VPS45: variants seen among roughly 807,000 people sequenced by gnomAD.
VPS45 encodes vacuolar protein sorting-associated protein 45.
A neutral mutation model predicts 75.9 loss-of-function variants in VPS45; 35 were observed. That is an observed-to-expected ratio of 0.46 (90% confidence interval 0.35 to 0.61). The LOEUF (loss-of-function observed/expected upper bound fraction) is 0.61. Ranked by LOEUF, VPS45 falls within the 20% of genes least tolerant of loss-of-function variation. The pLI is 0.00. For synonymous variants in VPS45, 220 were observed against 238.2 expected (o/e 0.92, Z 0.70); for missense variants, 559 against 685.9 (o/e 0.81, Z 2.07).
intron 14 of VPS45, among the ~76,000 whole-genome samples, chr1:150,131,790 G>A (rs1553812444): frequency 6.6e-6 from 1 of 152,078 alleles, no homozygotes; most frequent in East Asian, 1.9e-4. Context: ...AGGTTACAGT[G>A]AGCTATGATC....
chr1:150,129,862 T>TG (rs1366340839), intron 14 of VPS45, among the ~76,000 whole-genome samples: 33 of 140,276 alleles, frequency 2.4e-4, no homozygotes, highest in Non-Finnish European at 1.6e-5. Context: ...CAATTTTTTT[T>TG]TTTTTTTAAG....
intron 10 of VPS45, among the ~76,000 whole-genome samples, chr1:150,086,981 G>A (rs1824847): frequency 0.3 from 39,632 of 131,912 alleles, 7,900 homozygotes; most frequent in African/African-American, 0.58. Flanking sequence ...CAAAAAAAAA[G>A]ACGGAGACTA....
chr1:150,068,601 T>C, intron 1 of VPS45, 29 bp from the exon 2 acceptor site: 1 of 1,489,082 alleles, frequency 6.7e-7, no homozygotes, highest in South Asian at 1.4e-5. Context: ...TAGACTAGCA[T>C]ACTTTTAGTT....
intron 2 of VPS45, among the ~76,000 whole-genome samples, chr1:150,071,429 T>C (rs1347187863): frequency 6.6e-6 from 1 of 152,182 alleles, no homozygotes; most frequent in East Asian, 1.9e-4. Flanking sequence ...GTGAATATAA[T>C]TAACTTTATT....
In VPS45 at chr1:150,081,536, T is replaced by C. The variant is rs1251273414; in HGVS notation, c.822+60T>C. On this transcript the variant is annotated intron_variant, in intron 8 of 14. Transcript: ENST00000644510. The stretch of plus-strand genomic sequence containing the variant: ...TTGTTTTTATGTAAGAAGATCAATA[T>C]TGGCTTGTTAGTATAGGGGCAGGCA... 29 of 1,558,334 alleles carry C rather than the reference T, an allele frequency of 1.9e-5. No homozygotes were observed. The Middle Eastern group carries it at 5.1e-4, about 27-fold the overall frequency.
In VPS45 at chr1:150,072,779, A is replaced by T. The variant is rs150654917; in HGVS notation, c.289+553A>T. On this transcript the variant is annotated intron_variant, in intron 3 of 14. Transcript: ENST00000644510. ...TACTTTGCCTTTCAAGATGCTTTGT[A>T]AGTCAAAAGTTTTAAGTAGACAAAT... Among the ~76,000 whole-genome samples, 569 of 152,200 alleles carry T rather than the reference A, an allele frequency of 3.7e-3. 1 individual carries two copies. The highest frequency in any genetic ancestry group is 0.013 in the African/African-American group (540 of 41,494).
At position 150,081,357 on chromosome 1, in the gene VPS45, A is replaced by G. The variant is rs1655696382; in HGVS notation, c.703A>G (p.Met235Val). 7 of 1,604,212 alleles carry G rather than the reference A, an allele frequency of 4.4e-6. No individual in the cohort carries two copies. The highest frequency in any genetic ancestry group is 1.1e-5 in the South Asian group (1 of 89,188). The change falls in exon 8 of 15, where the codon ATG (methionine) becomes GTG (valine). Residue 235 changes from methionine (M) to valine (V), a missense_variant. Physicochemically the swap from Met to Val is conservative, Grantham distance 21. Coordinates refer to ENST00000644510, the MANE Select transcript of VPS45 (RefSeq NM_007259.5). ...CTTTATTTAGTGGACATATCAGGCC[A>G]TGGTCCACGAACTACTAGGCATAAA... ...PLLNQWTYQAMVHELLGINNN... is the reference protein window; with the variant it reads ...PLLNQWTYQAVVHELLGINNN...
chr1:150,113,161 C>T (rs1481295054), intron 14 of VPS45, among the ~76,000 whole-genome samples: 1 of 152,110 alleles, frequency 6.6e-6, no homozygotes, highest in East Asian at 1.9e-4. Context: ...CTTATTAAGG[C>T]TTGGCCTTTC....
chr1:150,083,797 G>A (rs1175653378), intron 10 of VPS45, among the ~76,000 whole-genome samples: 41 of 151,806 alleles, frequency 2.7e-4, no homozygotes, highest in Non-Finnish European at 7.4e-5. Context: ...TGGAAAGACT[G>A]ACTGAAGCCA....
intron 14 of VPS45, among the ~76,000 whole-genome samples, chr1:150,141,047 C>T (rs931402757): frequency 6.6e-6 from 1 of 152,092 alleles, no homozygotes; most frequent in Non-Finnish European, 1.5e-5. Flanking sequence ...AACTGCAAGC[C>T]GTGGAAGTTG....
At chr1:150,110,891 C>G (rs1657615418) in intron 14 of VPS45, among the ~76,000 whole-genome samples, 1 of 151,996 alleles carries the variant, frequency 6.6e-6, no homozygotes, top group Non-Finnish European at 1.5e-5. Context: ...TTTGTATTTC[C>G]TGTGTTCAAA....
At chr1:150,120,487 G>T (rs1365894052) in intron 14 of VPS45, among the ~76,000 whole-genome samples, 1 of 152,192 alleles carries the variant, frequency 6.6e-6, no homozygotes, top group East Asian at 1.9e-4. Context: ...AAGTAAGCTC[G>T]TCATCTTAAG....
chr1:150,082,961 C>A (rs587708654), intron 10 of VPS45, 78 bp downstream of exon 10: 16 of 1,382,082 alleles, frequency 1.2e-5, no homozygotes, highest in African/African-American at 5.9e-5. Context: ...GGCAAGTAAT[C>A]CTTCTTCATC....
chr1:150,067,648 C>A (rs768273448), upstream of VPS45: 334 of 543,548 alleles, frequency 6.1e-4, 1 homozygote, highest in Non-Finnish European at 1.0e-3. Context: ...CGGCCCAGGC[C>A]GTCTCAGCCG....
At chr1:150,133,899 C>A (rs1276464992) in intron 14 of VPS45, among the ~76,000 whole-genome samples, 1 of 152,166 alleles carries the variant, frequency 6.6e-6, no homozygotes, top group Admixed American at 6.5e-5. Flanking sequence ...AGTGCTAGAT[C>A]CATGCAGAAT....
chr1:150,098,839 T>TC (rs1238888676), intron 13 of VPS45: 3 of 1,269,146 alleles, frequency 2.4e-6, no homozygotes, highest in Non-Finnish European at 3.1e-6. Context: ...AATTTTTTTT[T>TC]CTCACTCTAG....
intron 14 of VPS45, among the ~76,000 whole-genome samples, chr1:150,131,922 A>G (rs1246841796): frequency 6.6e-6 from 1 of 152,174 alleles, no homozygotes; most frequent in Non-Finnish European, 1.5e-5. Flanking sequence ...ACCCAGATGC[A>G]GAGAAAGAAG....
chr1:150,126,595 A>G (rs779238612), intron 14 of VPS45, among the ~76,000 whole-genome samples: 2 of 152,148 alleles, frequency 1.3e-5, no homozygotes, highest in Non-Finnish European at 2.9e-5. Context: ...ACAACTGGAT[A>G]TATTTGGCAA....
chr1:150,120,795 A>G (rs185899105), intron 14 of VPS45, among the ~76,000 whole-genome samples: 129 of 152,114 alleles, frequency 8.5e-4, no homozygotes, highest in African/African-American at 3.1e-3. Flanking sequence ...CATTTAAAAT[A>G]GAAGGCATGT....
Sources: allele counts gnomAD v4.1 joint callset (sites outside exome capture counted in the v4.1 genomes callset), GRCh38; gene constraint gnomAD v4.1.1; transcripts MANE v1.5; gene names NCBI Gene and HGNC (gene_info 2026-07-23, HGNC 2026-07-21).